The following GLIS3 variants were observed in gnomAD, a reference collection of about 807,000 sequenced individuals.
The protein encoded by GLIS3 is GLIS family zinc finger 3.
GLIS3 carries 53 observed loss-of-function variants against 78.6 expected under a neutral mutation model. That is an observed-to-expected ratio of 0.67 (90% CI 0.54 to 0.85). The LOEUF is 0.85. GLIS3 is among the 40% of genes least tolerant of loss of function. GLIS3 has a pLI of 0.00. For synonymous variants in GLIS3, 684 were observed against 509.9 expected (o/e 1.34, Z -4.60); for missense variants, 1,703 against 1,231.1 (o/e 1.38, Z -5.74).
chr9:4,347,506 C>T (rs1484100408), intron 1 of GLIS3, among the ~76,000 whole-genome samples: 9 of 152,164 alleles, frequency 5.9e-5, no homozygotes, highest in Admixed American at 5.9e-4. Context: ...TACACCCACT[C>T]CAGATCAAGT....
At chr9:3,847,587 TG>T (rs1384688277) in intron 9 of GLIS3, among the ~76,000 whole-genome samples, 1 of 152,268 alleles carries the variant, frequency 6.6e-6, no homozygotes, top group African/African-American at 2.4e-5. Context: ...TGTGTGCAGA[TG>T]CTTAGTTATA....
chr9:4,097,729 TCTC>T (rs1830072093), intron 4 of GLIS3, among the ~76,000 whole-genome samples: 1 of 152,146 alleles, frequency 6.6e-6, no homozygotes, highest in Non-Finnish European at 1.5e-5. Flanking sequence ...ATGAAAAACA[TCTC>T]CTGGTTAAAT....
At chr9:4,203,496 A>T (rs1028888750) in intron 2 of GLIS3, among the ~76,000 whole-genome samples, 1 of 152,254 alleles carries the variant, frequency 6.6e-6, no homozygotes, top group Non-Finnish European at 1.5e-5. Flanking sequence ...CCTGGAACTT[A>T]AAATTAAATT....
the GLIS3 span, among the ~76,000 whole-genome samples, chr9:4,409,189 G>A: frequency 1.3e-5 from 2 of 152,216 alleles, no homozygotes; most frequent in Non-Finnish European, 2.9e-5. Context: ...TTGGAGCACT[G>A]AGACCATTCT....
At chr9:4,171,933 G>C (rs896610311) in intron 2 of GLIS3, among the ~76,000 whole-genome samples, 2 of 152,152 alleles carry the variant, frequency 1.3e-5, no homozygotes, top group African/African-American at 4.8e-5. Flanking sequence ...AAAGTGGCAG[G>C]ATATATTTTT....
rs1251493214 is a variant in GLIS3 at position 4,118,904 on chromosome 9, A to AG, written c.597-24dup. ...GACCTGGAACAGCAGCCAGAAAGGAAGAAAAAAAAAAGATAAACATTTTAG... is the reference window on the plus strand; with the variant it reads ...GACCTGGAACAGCAGCCAGAAAGGAAGGAAAAAAAAAAGATAAACATTTTAG... On this transcript the variant is annotated intron_variant, in intron 3 of 10. Coordinates refer to ENST00000381971, the MANE Select transcript of GLIS3 (RefSeq NM_001042413.2). The surrounding 1 kb of genome is among the most constrained non-coding windows in gnomAD (Gnocchi z 4.7). 1.3e-6 allele frequency: 2 copies of AG among 1,597,774 alleles called. No individual in the cohort carries two copies. Among genetic ancestry groups the AG allele is most frequent in the East Asian group, 4.5e-5 (2 of 44,852 alleles).
chr9:3,915,617 C>T (rs1208674179), intron 6 of GLIS3, among the ~76,000 whole-genome samples: 5 of 152,194 alleles, frequency 3.3e-5, no homozygotes, highest in Non-Finnish European at 7.3e-5. Flanking sequence ...AAACTCCAGG[C>T]TCAGCGGTCT....
chr9:4,003,443 C>T (rs192522477), intron 4 of GLIS3, among the ~76,000 whole-genome samples: 17 of 152,252 alleles, frequency 1.1e-4, no homozygotes, highest in South Asian at 8.3e-4. Flanking sequence ...TCTTACCAAA[C>T]GACAAATTGA....
chr9:4,138,396 A>T (rs1229758207), intron 2 of GLIS3, among the ~76,000 whole-genome samples: 1 of 152,192 alleles, frequency 6.6e-6, no homozygotes, highest in African/African-American at 2.4e-5. Context: ...AACAATTGGC[A>T]AACACCTAAT....
At chr9:3,963,637 T>C (rs971015053) in intron 4 of GLIS3, among the ~76,000 whole-genome samples, 3 of 152,210 alleles carry the variant, frequency 2.0e-5, no homozygotes, top group Admixed American at 1.3e-4. Context: ...GTTTCCTCTT[T>C]GACTCTCAAA....
At chr9:3,915,526 A>G (rs890738640) in intron 6 of GLIS3, among the ~76,000 whole-genome samples, 1 of 152,080 alleles carries the variant, frequency 6.6e-6, no homozygotes, top group Non-Finnish European at 1.5e-5. Flanking sequence ...AAGTTAGAGG[A>G]CTGGATAATA....
At chr9:4,131,886 T>G (rs1449341552) in intron 2 of GLIS3, among the ~76,000 whole-genome samples, 1 of 152,176 alleles carries the variant, frequency 6.6e-6, no homozygotes, top group Non-Finnish European at 1.5e-5. Context: ...TTATTGATAC[T>G]ATGATTGTTA....
At chr9:4,291,856 C>A (rs76180262) in intron 1 of GLIS3, among the ~76,000 whole-genome samples, 13,045 of 152,150 alleles carry the variant, frequency 0.086, 615 homozygotes, top group African/African-American at 0.14. Context: ...ACTTTCATAT[C>A]CTCCTAGTTT....
chr9:3,828,609 A>G lies in GLIS3; in HGVS notation c.2657-201T>C, dbSNP rs10118031. 0.62 allele frequency among the ~76,000 whole-genome samples: 94,066 copies of G among 152,060 alleles called. 29,404 individuals are homozygous for G. Among genetic ancestry groups the G allele is most frequent in the East Asian group, 0.78 (4,035 of 5,172 alleles). On this transcript the variant is annotated intron_variant, in intron 10 of 10. Transcript: ENST00000381971. ...TGACTTGCAGGCAGCTGGCTAAAAT[A>G]TGACCACACAAAAGACAGGCTGAGA...
chr9:4,146,438 T>C (rs2131014172), intron 2 of GLIS3, among the ~76,000 whole-genome samples: 1 of 152,342 alleles, frequency 6.6e-6, no homozygotes, highest in Middle Eastern at 3.4e-3. Context: ...ATATTTCAAC[T>C]TGGCCCTTTC....
At chr9:4,258,103 G>A (rs1228361770) in intron 2 of GLIS3, among the ~76,000 whole-genome samples, 1 of 152,066 alleles carries the variant, frequency 6.6e-6, no homozygotes, top group East Asian at 1.9e-4. Context: ...AGTAGGGCTA[G>A]GGTTAATTTT....
In GLIS3 at chr9:3,825,531, C is replaced by G. The variant is rs1817680326; in HGVS notation, c.*2741G>C. On this transcript the variant is annotated 3_prime_UTR_variant, in exon 11 of 11. Coordinates refer to ENST00000381971, the MANE Select transcript of GLIS3 (RefSeq NM_001042413.2). ...CTGTTTTTAAGGGGAATGACAATCTCTGTTTGGACATTTATGAAAATGGTT... is the reference window on the plus strand; with the variant it reads ...CTGTTTTTAAGGGGAATGACAATCTGTGTTTGGACATTTATGAAAATGGTT... The G allele has an allele frequency of 6.6e-6, 1 of 151,916 alleles. No homozygotes were observed. Among genetic ancestry groups the G allele is most frequent in the Non-Finnish European group, 1.5e-5 (1 of 68,004 alleles). The allele number at this position is 151,916 out of a possible 1,614,324, so 9.4% of individuals were successfully genotyped here.
chr9:3,878,792 T>G (rs1207488855), intron 8 of GLIS3: 1 of 157,556 alleles, frequency 6.3e-6, no homozygotes, highest in Non-Finnish European at 1.4e-5. Flanking sequence ...CATTACAGCC[T>G]GCTCCACAAA....
intron 4 of GLIS3, among the ~76,000 whole-genome samples, chr9:3,978,417 T>C (rs564154249): frequency 4.5e-4 from 69 of 152,246 alleles, no homozygotes; most frequent in South Asian, 8.3e-4. Context: ...AATAAAACCA[T>C]TCTATACATA....
Sources: allele counts gnomAD v4.1 joint callset (sites outside exome capture counted in the v4.1 genomes callset), GRCh38; gene constraint gnomAD v4.1.1; non-coding constraint Gnocchi (gnomAD v3.1); transcripts MANE v1.5; gene names NCBI Gene and HGNC (gene_info 2026-07-23, HGNC 2026-07-21).